The following LCOR variants were observed in gnomAD, a reference collection of about 807,000 sequenced individuals.
LCOR encodes ligand dependent nuclear receptor corepressor, also known as ligand-dependent corepressor.
In LCOR, 14 loss-of-function variants were observed where a neutral mutation model predicts 64.4. That is an observed-to-expected ratio of 0.22 (90% CI 0.14 to 0.34). The LOEUF (loss-of-function observed/expected upper bound fraction) is 0.34. LCOR is among the 10% of genes least tolerant of loss of function. The probability of loss-of-function intolerance (pLI) is 1.00; values close to 1 mark genes in which losing one functional copy is unlikely to be tolerated. For missense variants in LCOR, 1,686 were observed against 1,765.3 expected (o/e 0.96, Z 0.80); for synonymous variants, 643 against 642.5 (o/e 1.00, Z -0.01).
At chr10:96,867,648 G>A (rs925549111) in intron 2 of LCOR, among the ~76,000 whole-genome samples, 15 of 152,002 alleles carry the variant, frequency 9.9e-5, no homozygotes, top group African/African-American at 3.4e-4. Context: ...AATCCCTTTG[G>A]GAGGCCAAGG....
chr10:96,908,807 C>T (rs1487990771), intron 4 of LCOR, among the ~76,000 whole-genome samples: 1 of 152,132 alleles, frequency 6.6e-6, no homozygotes, highest in East Asian at 1.9e-4. Context: ...GCTCCCCCCT[C>T]CGGGTTTACG....
At chr10:96,911,389 G>A (rs1181616615) in intron 4 of LCOR, among the ~76,000 whole-genome samples, 2 of 152,032 alleles carry the variant, frequency 1.3e-5, no homozygotes, top group East Asian at 3.9e-4. Flanking sequence ...GAGCCACCAC[G>A]CCCTGCCACT....
At chr10:96,858,835 C>G (rs1224206042) in intron 2 of LCOR, among the ~76,000 whole-genome samples, 1 of 152,054 alleles carries the variant, frequency 6.6e-6, no homozygotes, top group Non-Finnish European at 1.5e-5. Context: ...ATTCCAGAAC[C>G]CTGCCTGGCA....
At chr10:96,897,201 G>T (rs1846554376) in intron 2 of LCOR, among the ~76,000 whole-genome samples, 2 of 151,980 alleles carry the variant, frequency 1.3e-5, no homozygotes, top group Admixed American at 1.3e-4. Flanking sequence ...AGATATTATG[G>T]ATTCAGTAAT....
In LCOR at chr10:96,983,793, C is replaced by T. The variant is rs772874533; in HGVS notation, c.3333C>T (p.Ile1111=). Residue 1111 remains isoleucine, a synonymous_variant, in exon 8 of 8, where the codon ATC becomes ATT. Coordinates refer to ENST00000421806, the MANE Select transcript of LCOR (RefSeq NM_001346516.2). This position sits in a 1 kb window ranked among gnomAD's most constrained non-coding sequence, Gnocchi z 4.5. ...CTGAGGAGGAGAACCAAGAGCTCATCGCCAACTTCAATGCCCAGTACATGA... is the reference window on the plus strand; with the variant it reads ...CTGAGGAGGAGAACCAAGAGCTCATTGCCAACTTCAATGCCCAGTACATGA... ...WCAEEENQEL[I]ANFNAQYMKV... 18 of 1,613,980 alleles carry T rather than the reference C, an allele frequency of 1.1e-5. No individual in the cohort carries two copies. In the East Asian group the frequency reaches 1.8e-4, roughly 16 times the overall value.
At chr10:96,929,369 T>C (rs1847218915) in intron 4 of LCOR, among the ~76,000 whole-genome samples, 1 of 152,264 alleles carries the variant, frequency 6.6e-6, no homozygotes, top group East Asian at 1.9e-4. Context: ...CACTTCACCT[T>C]GCACTTTTGT....
chr10:96,957,756 C>A (rs1589682917), intron 7 of LCOR: 5 of 985,362 alleles, frequency 5.1e-6, no homozygotes, highest in African/African-American at 3.5e-5. Context: ...TTAGGCACAC[C>A]ATTGCTGTTA....
chr10:96,964,987 G>A (rs1423849535), intron 7 of LCOR, among the ~76,000 whole-genome samples: 2 of 152,078 alleles, frequency 1.3e-5, no homozygotes, highest in Non-Finnish European at 2.9e-5. Flanking sequence ...AAAGAACAGA[G>A]TATATGTTGC....
intron 2 of LCOR, among the ~76,000 whole-genome samples, chr10:96,874,007 C>T (rs1301257994): frequency 6.6e-6 from 1 of 152,060 alleles, no homozygotes; most frequent in Non-Finnish European, 1.5e-5. Flanking sequence ...GACAATGGGG[C>T]ACTTCATGAC....
intron 2 of LCOR, among the ~76,000 whole-genome samples, chr10:96,887,959 G>T (rs1238851767): frequency 3.3e-5 from 5 of 151,834 alleles, no homozygotes; most frequent in African/African-American, 1.2e-4. Flanking sequence ...GGGATTACAG[G>T]CATGAACCAC....
Position 96,924,486 on chromosome 10 carries a change from C to T in LCOR, c.-184+16739C>T, listed in dbSNP as rs564154828. On this transcript the variant is annotated intron_variant, in intron 4 of 7. Transcript: ENST00000421806. ...CAAAGTCCTGAGTTCAAGTGATCCA[C>T]CCGCCTCAGCCTCCCAAAGTGCTGG... Among the ~76,000 whole-genome samples the T allele has an allele frequency of 3.4e-4, 51 of 152,132 alleles. 1 individual carries two copies. Among genetic ancestry groups the T allele is most frequent in the African/African-American group, 1.1e-3 (46 of 41,500 alleles).
intron 2 of LCOR, among the ~76,000 whole-genome samples, chr10:96,901,158 C>T (rs1487492619): frequency 6.6e-6 from 1 of 151,808 alleles, no homozygotes; most frequent in Non-Finnish European, 1.5e-5. Flanking sequence ...CACTGCACTC[C>T]AGCCTGGGCG....
intron 2 of LCOR, among the ~76,000 whole-genome samples, chr10:96,848,767 G>A (rs988215269): frequency 3.1e-4 from 47 of 152,244 alleles, no homozygotes; most frequent in African/African-American, 1.1e-3. Context: ...TATTATACAG[G>A]ATGTTCAGTT....
rs1260153404 is a variant in LCOR, at chr10:96,992,615, A to G, written c.*7481A>G. 3 of 152,188 alleles carry G rather than the reference A, an allele frequency of 2.0e-5. No individual in the cohort carries two copies. Among genetic ancestry groups the G allele is most frequent in the African/African-American group, 7.2e-5 (3 of 41,438 alleles). The allele number at this position is 152,188 out of a possible 1,614,324, so 9.4% of individuals were successfully genotyped here. A position where few individuals can be genotyped will look rare whatever the true frequency, so the allele number is the denominator to read the frequency against. On this transcript the variant is annotated 3_prime_UTR_variant, in exon 8 of 8. Transcript: ENST00000421806. ...CCTACTTCTTGCATGCACAGTTGGT[A>G]CATTTAGCTGTATGGCATCGGGTGT...
intron 7 of LCOR, among the ~76,000 whole-genome samples, chr10:96,979,640 T>C (rs1848066109): frequency 6.6e-6 from 1 of 152,226 alleles, no homozygotes; most frequent in South Asian, 2.1e-4. Flanking sequence ...GATACAATAC[T>C]ACTACCTTGC....
At chr10:96,941,281 G>C (rs1378386887) in intron 4 of LCOR, among the ~76,000 whole-genome samples, 4 of 135,774 alleles carry the variant, frequency 2.9e-5, no homozygotes, top group Admixed American at 7.2e-5. Context: ...CTGGCCAGGC[G>C]GGGGGCTGAT....
chr10:96,857,328 T>C (rs1288099206), intron 2 of LCOR, among the ~76,000 whole-genome samples: 4 of 152,202 alleles, frequency 2.6e-5, no homozygotes, highest in Non-Finnish European at 5.9e-5. Flanking sequence ...TACTTGGAAA[T>C]GTTAAAGTCT....
intron 2 of LCOR, among the ~76,000 whole-genome samples, chr10:96,872,328 G>A (rs1846085644): frequency 6.6e-6 from 1 of 152,216 alleles, no homozygotes; most frequent in Non-Finnish European, 1.5e-5. Context: ...GATTTTAAGA[G>A]TGTCCAAAGA....
intron 7 of LCOR, among the ~76,000 whole-genome samples, chr10:96,974,901 G>C (rs1236454778): frequency 6.6e-6 from 1 of 152,218 alleles, no homozygotes; most frequent in Non-Finnish European, 1.5e-5. Flanking sequence ...GGGTGCTGTG[G>C]CTCACACCTG....
Sources: gnomAD v4.1 joint callset for allele counts (sites outside exome capture counted in the v4.1 genomes callset) on GRCh38, gnomAD v4.1.1 for gene constraint, Gnocchi (gnomAD v3.1) non-coding constraint, MANE v1.5 for transcripts, NCBI Gene and HGNC (gene_info 2026-07-23, HGNC 2026-07-21) for gene names.